MYRIP: variants seen among roughly 807,000 people sequenced by gnomAD.
The protein encoded by MYRIP is myosin VIIA and Rab interacting protein.
Under a neutral mutation model 98.0 loss-of-function variants are expected in MYRIP, and 49 were observed. The observed-to-expected ratio is 0.50, with a 90% CI of 0.40 to 0.63. The LOEUF is 0.63. MYRIP is among the 30% of genes least tolerant of loss of function. The pLI is 0.00. For missense variants in MYRIP, 1,004 were observed against 1,058.2 expected (o/e 0.95, Z 0.71); for synonymous variants, 404 against 409.5 (o/e 0.99, Z 0.16).
At chr3:40,090,901 A>T (rs917502993) in intron 3 of MYRIP, among the ~76,000 whole-genome samples, 2 of 152,114 alleles carry the variant, frequency 1.3e-5, no homozygotes, top group African/African-American at 4.8e-5. Flanking sequence ...ATGCAGGTGG[A>T]ACAGAGGGGG....
intron 3 of MYRIP, among the ~76,000 whole-genome samples, chr3:40,133,250 G>A (rs1949683588): frequency 6.6e-6 from 1 of 152,220 alleles, no homozygotes; most frequent in South Asian, 2.1e-4. Context: ...GAACCCTCCT[G>A]TGAAGCCAAG....
intron 2 of MYRIP, among the ~76,000 whole-genome samples, chr3:39,991,595 G>T (rs968368393): frequency 6.6e-6 from 1 of 151,860 alleles, no homozygotes; most frequent in East Asian, 1.9e-4. Context: ...TTATCTTAAC[G>T]CAACAGGCAA....
At chr3:40,037,467 T>A (rs1182999872) in intron 2 of MYRIP, among the ~76,000 whole-genome samples, 1 of 152,066 alleles carries the variant, frequency 6.6e-6, no homozygotes, top group African/African-American at 2.4e-5. Context: ...GTCTGGGGAC[T>A]TTATGTTCCT....
rs9819058 is a variant in MYRIP at position 40,069,503 on chromosome 3, T to C, written c.332+25232T>C. 6.8e-3 allele frequency among the ~76,000 whole-genome samples: 1,035 copies of C among 152,246 alleles called. 16 individuals carry two copies. Among genetic ancestry groups the C allele is most frequent in the African/African-American group, 0.024 (985 of 41,530 alleles). On this transcript the variant is annotated intron_variant, in intron 3 of 16. Transcript: ENST00000302541. Reference sequence around the variant, plus strand: ...CTCAGTGGCATTAAGTACATTCATGTTGTTGTGCAACCATCACTATCCATC... The same window carrying C: ...CTCAGTGGCATTAAGTACATTCATGCTGTTGTGCAACCATCACTATCCATC...
chr3:39,999,288 G>A (rs1946452617), intron 2 of MYRIP, among the ~76,000 whole-genome samples: 1 of 152,148 alleles, frequency 6.6e-6, no homozygotes, highest in Non-Finnish European at 1.5e-5. Flanking sequence ...ATCTGACAAA[G>A]GGCTAATATC....
rs376404162 is a variant in MYRIP, at chr3:40,170,082, G to A, written c.862G>A (p.Ala288Thr). The change falls in exon 8 of 17, where the codon GCT becomes ACT. Residue 288 changes from alanine to threonine, a missense_variant. Physicochemically the swap from Ala to Thr is moderately conservative, Grantham distance 58 (BLOSUM62 0). Coordinates refer to ENST00000302541, the MANE Select transcript of MYRIP (RefSeq NM_015460.4). ...ATCCCCTGGAGGCTACCGTGCTCCC[G>A]CTGCCCTCTGGGTGAGTCCCCAAGC... ...SASPGGYRAPAALWRSQSAFS... is the reference protein window; with the variant it reads ...SASPGGYRAPTALWRSQSAFS... 124 of 1,614,124 alleles carry A rather than the reference G, an allele frequency of 7.7e-5. No individual in the cohort carries two copies. The highest frequency in any genetic ancestry group is 9.7e-5 in the Non-Finnish European group (114 of 1,180,024).
chr3:39,831,694 G>A (rs1941451669), intron 1 of MYRIP, among the ~76,000 whole-genome samples: 1 of 152,004 alleles, frequency 6.6e-6, no homozygotes, highest in South Asian at 2.1e-4. Context: ...GTATACCTAT[G>A]TCATTCTACA....
intron 2 of MYRIP, among the ~76,000 whole-genome samples, chr3:39,922,745 A>G (rs546673762): frequency 8.7e-4 from 133 of 152,220 alleles, no homozygotes; most frequent in Non-Finnish European, 1.6e-3. Context: ...CAGAGGTTTA[A>G]ATAAGATTCA....
intron 3 of MYRIP, among the ~76,000 whole-genome samples, chr3:40,129,777 T>C (rs1949601575): frequency 6.6e-6 from 1 of 152,174 alleles, no homozygotes; most frequent in Non-Finnish European, 1.5e-5. Context: ...CTAAGCAGTG[T>C]TTCAGTTCCC....
rs376716403 is a variant in MYRIP, at chr3:39,887,177, C to T, written c.-30-13610C>T. On this transcript the variant is annotated intron_variant, in intron 1 of 16. Coordinates refer to ENST00000302541, the MANE Select transcript of MYRIP (RefSeq NM_015460.4). ...ACACAACATACCAGAATCTCTGGGACGCATTCAAAGCAGGGTGTAGAGGGA... is the reference window on the plus strand; with the variant it reads ...ACACAACATACCAGAATCTCTGGGATGCATTCAAAGCAGGGTGTAGAGGGA... Among the ~76,000 whole-genome samples, 36 of 152,014 alleles carry T rather than the reference C, an allele frequency of 2.4e-4. No individual in the cohort carries two copies. The East Asian group carries it at 5.2e-3, about 22-fold the overall frequency.
At chr3:39,888,686 A>C (rs1304678091) in intron 1 of MYRIP, among the ~76,000 whole-genome samples, 13 of 152,272 alleles carry the variant, frequency 8.5e-5, no homozygotes, top group South Asian at 4.1e-4. Flanking sequence ...AATGGGATCT[A>C]ATTAAACTAA....
intron 2 of MYRIP, among the ~76,000 whole-genome samples, chr3:40,029,588 G>C (rs1947213249): frequency 6.6e-6 from 1 of 152,148 alleles, no homozygotes; most frequent in African/African-American, 2.4e-5. Context: ...CAGTAGCAGG[G>C]TAAGATGAGC....
chr3:40,086,221 C>T (rs78998034), intron 3 of MYRIP, among the ~76,000 whole-genome samples: 14,178 of 152,166 alleles, frequency 0.093, 761 homozygotes, highest in East Asian at 0.22. Flanking sequence ...TGCATCTTCC[C>T]AGCAGAGCCC....
chr3:40,128,777 T>C (rs1429892305), intron 3 of MYRIP, among the ~76,000 whole-genome samples: 1 of 152,252 alleles, frequency 6.6e-6, no homozygotes, highest in African/African-American at 2.4e-5. Flanking sequence ...ACTTCATTTT[T>C]CATAAATCAT....
At chr3:39,859,772 A>T (rs932613055) in intron 1 of MYRIP, among the ~76,000 whole-genome samples, 1 of 152,240 alleles carries the variant, frequency 6.6e-6, no homozygotes, top group Non-Finnish European at 1.5e-5. Flanking sequence ...GAATCATAAG[A>T]TTATAAAATG....
chr3:40,083,609 A>G (rs558871103), intron 3 of MYRIP, among the ~76,000 whole-genome samples: 84 of 152,336 alleles, frequency 5.5e-4, no homozygotes, highest in Admixed American at 1.3e-3. Flanking sequence ...ATCCAGATCT[A>G]TGCCAAGACA....
At chr3:40,215,572 T>C (rs909980150) in intron 11 of MYRIP, among the ~76,000 whole-genome samples, 7 of 152,164 alleles carry the variant, frequency 4.6e-5, no homozygotes, top group African/African-American at 1.7e-4. Context: ...CCAGAGACTC[T>C]GGTTTCTCAA....
At position 40,260,172 on chromosome 3, in the gene MYRIP, T is replaced by C. The variant is rs1441363087; in HGVS notation, c.*2006T>C. 6.6e-6 allele frequency: 1 copy of C among 152,366 alleles called. No homozygotes were observed. The highest frequency in any genetic ancestry group is 1.5e-5 in the Non-Finnish European group (1 of 68,040). The allele number at this position is 152,366 out of a possible 1,614,324, so 9.4% of individuals were successfully genotyped here. A position where few individuals can be genotyped will look rare whatever the true frequency, so the allele number is the denominator to read the frequency against. ...TTATATTTAGATTAATTTTTATAAA[T>C]GAAAATATTTTAATGGTTTAAGAAA... On this transcript the variant is annotated 3_prime_UTR_variant, in exon 17 of 17. Transcript: ENST00000302541.
At chr3:40,120,300 T>C (rs1949374302) in intron 3 of MYRIP, among the ~76,000 whole-genome samples, 1 of 152,234 alleles carries the variant, frequency 6.6e-6, no homozygotes, top group South Asian at 2.1e-4. Context: ...TCAGATCATC[T>C]TCTTGTTCCA....
Sources: allele counts gnomAD v4.1 joint callset (sites outside exome capture counted in the v4.1 genomes callset), GRCh38; gene constraint gnomAD v4.1.1; transcripts MANE v1.5; gene names NCBI Gene and HGNC (gene_info 2026-07-23, HGNC 2026-07-21).